The following SETBP1 variants were observed in gnomAD, a reference collection of about 807,000 sequenced individuals.
SETBP1 encodes the protein SET-binding protein.
In SETBP1, 9 loss-of-function variants were observed where a neutral mutation model predicts 101.0. The ratio of observed to expected loss-of-function variants is 0.09; its 90% CI spans 0.05 to 0.16. The LOEUF (loss-of-function observed/expected upper bound fraction) is 0.16. SETBP1 is among the 10% of genes least tolerant of loss of function. SETBP1 has a pLI of 1.00. For synonymous variants in SETBP1, 818 were observed against 788.5 expected, an observed-to-expected ratio of 1.04 and a Z score of -0.63; for missense variants, 1,858 against 2,033.8, an observed-to-expected ratio of 0.91 and a Z score of 1.66.
At chr18:44,996,916 A>G (rs2072509205) in intron 4 of SETBP1, among the ~76,000 whole-genome samples, 1 of 152,238 alleles carries the variant, frequency 6.6e-6, no homozygotes, top group Non-Finnish European at 1.5e-5. Context: ...CCTGTGCAAA[A>G]AGCAGTGAGA....
intron 3 of SETBP1, among the ~76,000 whole-genome samples, chr18:44,888,255 A>G (rs1455876709): frequency 6.6e-6 from 1 of 152,082 alleles, no homozygotes; most frequent in Non-Finnish European, 1.5e-5. Context: ...AAACCAAGGA[A>G]TTTATCCCTT....
In SETBP1 at chr18:45,062,605, C is replaced by G. The variant is rs563420570; in HGVS notation, c.4172-474C>G. ...CTGCTTGATATGGAGGCCCACGTGC[C>G]TTTTTATTCATCTAACACCTACAAA... On this transcript the variant is annotated intron_variant, in intron 5 of 5. Coordinates refer to ENST00000649279, the MANE Select transcript of SETBP1 (RefSeq NM_015559.3). Among the ~76,000 whole-genome samples the G allele has an allele frequency of 1.1e-4, 16 of 152,276 alleles. No homozygotes were observed. The South Asian group carries it at 3.3e-3, about 32-fold the overall frequency.
intron 2 of SETBP1, among the ~76,000 whole-genome samples, chr18:44,753,451 G>A (rs928030336): frequency 6.6e-6 from 1 of 152,206 alleles, no homozygotes; most frequent in South Asian, 2.1e-4. Flanking sequence ...TCGTAGAAAT[G>A]CCTTTGCCTA....
chr18:44,820,642 A>G (rs2144379010), intron 2 of SETBP1, among the ~76,000 whole-genome samples: 1 of 152,338 alleles, frequency 6.6e-6, no homozygotes, highest in South Asian at 2.1e-4. Flanking sequence ...CGTCATCCAC[A>G]CAATTTTCTG....
intron 1 of SETBP1, 90 bp from the exon 2 acceptor site, chr18:44,701,085 T>TA (rs2069108217): frequency 2.7e-6 from 1 of 376,632 alleles, no homozygotes; most frequent in South Asian, 1.0e-4. Context: ...ATGCCATAGA[T>TA]ACGTGGAAGG....
At chr18:44,848,336 G>A (rs940092195) in intron 2 of SETBP1, among the ~76,000 whole-genome samples, 21 of 152,160 alleles carry the variant, frequency 1.4e-4, no homozygotes, top group African/African-American at 4.8e-4. Flanking sequence ...AGTTATGGGG[G>A]AGGGGGCGAA....
intron 5 of SETBP1, among the ~76,000 whole-genome samples, chr18:45,050,122 T>G (rs2145548491): frequency 6.6e-6 from 1 of 152,334 alleles, no homozygotes; most frequent in Non-Finnish European, 1.5e-5. Context: ...TAATCACAAT[T>G]AAATGAGGAA....
intron 4 of SETBP1, among the ~76,000 whole-genome samples, chr18:44,971,218 T>C (rs1479099578): frequency 6.6e-6 from 1 of 152,242 alleles, no homozygotes; most frequent in East Asian, 1.9e-4. Context: ...TCATTTTTTA[T>C]GGCTGCATAG....
chr18:44,993,159 C>A (rs866606425), intron 4 of SETBP1, among the ~76,000 whole-genome samples: 29 of 151,918 alleles, frequency 1.9e-4, no homozygotes, highest in Admixed American at 5.2e-4. Context: ...ACTTCTTTAT[C>A]CTAATAAGAG....
intron 3 of SETBP1, among the ~76,000 whole-genome samples, chr18:44,923,414 G>A (rs2070626657): frequency 1.3e-5 from 2 of 152,286 alleles, no homozygotes; most frequent in Middle Eastern, 3.4e-3. Context: ...ATCACCCAGA[G>A]ATCTAACATT....
At chr18:44,940,000 C>T (rs2071051392) in intron 3 of SETBP1, among the ~76,000 whole-genome samples, 1 of 152,076 alleles carries the variant, frequency 6.6e-6, no homozygotes, top group South Asian at 2.1e-4. Context: ...TGTTAAAATA[C>T]CTTTAATTGT....
intron 3 of SETBP1, among the ~76,000 whole-genome samples, chr18:44,919,968 A>AGGGC (rs1308187595): frequency 1.3e-5 from 2 of 152,062 alleles, no homozygotes; most frequent in African/African-American, 2.4e-5. Context: ...AAGATTCATG[A>AGGGC]GGGCAGGCAG....
chr18:44,901,705 G>A (rs1444591461), intron 3 of SETBP1, among the ~76,000 whole-genome samples: 2 of 152,146 alleles, frequency 1.3e-5, no homozygotes, highest in Admixed American at 1.3e-4. Flanking sequence ...TATACACTTA[G>A]GGCATAAATA....
intron 4 of SETBP1, among the ~76,000 whole-genome samples, chr18:45,016,416 C>G (rs2072942190): frequency 6.6e-6 from 1 of 151,904 alleles, no homozygotes; most frequent in African/African-American, 2.4e-5. Context: ...AGAGTGTGGA[C>G]CCCTTCAGCC....
chr18:44,933,249 G>A (rs553389248), intron 3 of SETBP1, among the ~76,000 whole-genome samples: 12 of 152,326 alleles, frequency 7.9e-5, no homozygotes, highest in East Asian at 3.9e-4. Context: ...TATCACCAGC[G>A]GAGGCTGCAG....
chr18:44,888,050 G>A (rs1394581472), intron 3 of SETBP1, among the ~76,000 whole-genome samples: 1 of 152,118 alleles, frequency 6.6e-6, no homozygotes, highest in Non-Finnish European at 1.5e-5. Flanking sequence ...TGAAACATTA[G>A]AAGAGCAGTC....
chr18:44,837,004 A>G (rs2072511765), intron 2 of SETBP1, among the ~76,000 whole-genome samples: 1 of 151,902 alleles, frequency 6.6e-6, no homozygotes, highest in Non-Finnish European at 1.5e-5. Flanking sequence ...TTTTCATGCT[A>G]ATGTTTTGAG....
chr18:44,842,551 C>T (rs2072637717), intron 2 of SETBP1, among the ~76,000 whole-genome samples: 1 of 152,172 alleles, frequency 6.6e-6, no homozygotes, highest in Non-Finnish European at 1.5e-5. Context: ...CAAAGAATAT[C>T]CCACAGTGCC....
chr18:44,893,520 G>A (rs574621037), intron 3 of SETBP1, among the ~76,000 whole-genome samples: 1 of 152,160 alleles, frequency 6.6e-6, no homozygotes, highest in Non-Finnish European at 1.5e-5. Context: ...GTAGTCAACA[G>A]GAATTGAACC....
Sources: gnomAD v4.1 joint callset for allele counts (sites outside exome capture counted in the v4.1 genomes callset) on GRCh38, gnomAD v4.1.1 for gene constraint, MANE v1.5 for transcripts, NCBI Gene and HGNC (gene_info 2026-07-23, HGNC 2026-07-21) for gene names.